Variants in IL16 observed in about 807,000 individuals in gnomAD.
IL16 encodes interleukin 16.
Under a neutral mutation model 110.1 loss-of-function variants are expected in IL16, and 67 were observed. The observed-to-expected ratio is 0.61, with a 90% CI of 0.50 to 0.75. The LOEUF (loss-of-function observed/expected upper bound fraction) is 0.75, where lower values mean the gene tolerates loss of function less well. IL16 is among the 30% of genes least tolerant of loss of function. The pLI is 0.00. For missense variants in IL16, 1,545 were observed against 1,655.0 expected (o/e 0.93, Z 1.15); for synonymous variants, 689 against 662.9 (o/e 1.04, Z -0.61).
At chr15:81,275,820 A>C (rs114097646) in intron 6 of IL16, among the ~76,000 whole-genome samples, 4 of 152,206 alleles carry the variant, frequency 2.6e-5, no homozygotes, top group Non-Finnish European at 2.9e-5. Context: ...CAAATACATT[A>C]GTTGCAACAA....
chr15:81,223,891 G>A (rs1329724225), intron 1 of IL16, among the ~76,000 whole-genome samples: 1 of 152,162 alleles, frequency 6.6e-6, no homozygotes, highest in East Asian at 1.9e-4. Flanking sequence ...TGTGATTGGA[G>A]TTTTACTATC....
intron 13 of IL16, among the ~76,000 whole-genome samples, chr15:81,298,956 G>A (rs1335228244): frequency 6.6e-6 from 1 of 152,330 alleles, no homozygotes; most frequent in East Asian, 1.9e-4. Context: ...TAAACGGCAG[G>A]AGAACTGCTT....
Position 81,306,549 on chromosome 15 carries a change from T to TG in IL16, c.3805+8dup, listed in dbSNP as rs762047453. ...ACCATTAACAGGATTTTCAAAGGTG[T>TG]GGGGTGTGTCTGGTTCTTTGCGTGC... On this transcript the variant is annotated splice_donor_region_variant and intron_variant, in intron 18 of 18. Transcript: ENST00000683961. 4 of 1,611,926 alleles carry TG rather than the reference T, an allele frequency of 2.5e-6. No homozygotes were observed. The African/African-American group carries it at 5.3e-5, about 22-fold the overall frequency.
upstream of IL16, among the ~76,000 whole-genome samples, chr15:81,193,273 A>G (rs910900013): frequency 2.0e-5 from 3 of 152,170 alleles, no homozygotes; most frequent in East Asian, 5.8e-4. Flanking sequence ...TAGGGGGGGA[A>G]TCAAGAGTAC....
chr15:81,272,376 C>T (rs760827662), intron 5 of IL16, among the ~76,000 whole-genome samples: 43 of 152,300 alleles, frequency 2.8e-4, no homozygotes, highest in Non-Finnish European at 4.4e-4. Flanking sequence ...CAACCTTTCC[C>T]GGGACTTATT....
At chr15:81,263,346 A>ATTTTTTTTTTTT (rs10717016) in intron 3 of IL16, among the ~76,000 whole-genome samples, 1 of 109,790 alleles carries the variant, frequency 9.1e-6, no homozygotes, top group African/African-American at 4.7e-5. Context: ...TTCAAAAACT[A>ATTTTTTTTTTTT]TTTTTTTTTG....
intron 6 of IL16, among the ~76,000 whole-genome samples, chr15:81,273,965 T>C (rs1898778518): frequency 6.6e-6 from 1 of 151,576 alleles, no homozygotes; most frequent in Admixed American, 6.6e-5. Context: ...CATGGATTAT[T>C]GAGCAACAGG....
At chr15:81,202,769 G>A (rs1895867193) in intron 1 of IL16, among the ~76,000 whole-genome samples, 1 of 152,140 alleles carries the variant, frequency 6.6e-6, no homozygotes, top group South Asian at 2.1e-4. Flanking sequence ...ATTGTGAATA[G>A]TGCCCCAATA....
chr15:81,308,917 C>T lies in IL16; in HGVS notation c.*119C>T. 1 of 874,712 alleles carries T rather than the reference C, an allele frequency of 1.1e-6. No individual in the cohort carries two copies. Among genetic ancestry groups the T allele is most frequent in the Non-Finnish European group, 1.7e-6 (1 of 579,482 alleles). The allele number at this position is 874,712 out of a possible 1,614,324, so 54.2% of individuals were successfully genotyped here. A position where few individuals can be genotyped will look rare whatever the true frequency, so the allele number is the denominator to read the frequency against. ...GATGGGGGAAAGCACAGGTGGGCTTCCCAGTGGCTGCTGCCCAGGCCCAGA... is the reference window on the plus strand; with the variant it reads ...GATGGGGGAAAGCACAGGTGGGCTTTCCAGTGGCTGCTGCCCAGGCCCAGA... On this transcript the variant is annotated 3_prime_UTR_variant, in exon 19 of 19. Transcript: ENST00000683961.
chr15:81,223,958 T>G (rs1163643554), intron 1 of IL16, among the ~76,000 whole-genome samples: 1 of 152,176 alleles, frequency 6.6e-6, no homozygotes, highest in Non-Finnish European at 1.5e-5. Flanking sequence ...AGAGGGTGCT[T>G]GATAAAATGG....
chr15:81,293,805 T>C (rs1404363398), intron 12 of IL16, among the ~76,000 whole-genome samples: 1 of 152,254 alleles, frequency 6.6e-6, no homozygotes, highest in Non-Finnish European at 1.5e-5. Context: ...ACAGCTGCTG[T>C]GTCTAGAACC....
At chr15:81,294,018 C>T (rs1899868867) in intron 12 of IL16, among the ~76,000 whole-genome samples, 1 of 152,208 alleles carries the variant, frequency 6.6e-6, no homozygotes, top group Non-Finnish European at 1.5e-5. Context: ...TCCCCCATCA[C>T]GGAATGGCCC....
At chr15:81,267,135 G>T (rs1200569229) in intron 4 of IL16, among the ~76,000 whole-genome samples, 2 of 152,164 alleles carry the variant, frequency 1.3e-5, no homozygotes, top group African/African-American at 4.8e-5. Flanking sequence ...GGGCTAGCGG[G>T]TACTTCCTGG....
chr15:81,271,012 T>A (rs1898608695), intron 5 of IL16, among the ~76,000 whole-genome samples: 1 of 152,022 alleles, frequency 6.6e-6, no homozygotes, highest in East Asian at 1.9e-4. Flanking sequence ...AGCAAGTGCT[T>A]GAGGTAGAGT....
chr15:81,224,407 T>A (rs1896719898), intron 1 of IL16, among the ~76,000 whole-genome samples: 1 of 152,172 alleles, frequency 6.6e-6, no homozygotes, highest in South Asian at 2.1e-4. Context: ...GGAAACTGAA[T>A]CCATGGGAGG....
chr15:81,313,092 G>A lies in IL16; in HGVS notation c.*4294G>A, dbSNP rs1009901915. 2 of 764,004 alleles carry A rather than the reference G, an allele frequency of 2.6e-6. No individual in the cohort carries two copies. The highest frequency in any genetic ancestry group is 1.9e-6 in the Non-Finnish European group (1 of 527,456). 47.3% of individuals were successfully genotyped at this position (764,004 alleles called of 1,614,324 possible). A position where few individuals can be genotyped will look rare whatever the true frequency, so the allele number is the denominator to read the frequency against. Reference sequence around the variant, plus strand: ...CCTGAGTGGGGCAGGAGGCAGGAAGGGTGGGCTGCCGCCTCTGGTTGGCAT... The same window carrying A: ...CCTGAGTGGGGCAGGAGGCAGGAAGAGTGGGCTGCCGCCTCTGGTTGGCAT... On this transcript the variant is annotated 3_prime_UTR_variant, in exon 19 of 19. Coordinates refer to ENST00000683961, the MANE Select transcript of IL16 (RefSeq NM_172217.5).
chr15:81,201,899 C>T (rs1468211793), intron 1 of IL16, among the ~76,000 whole-genome samples: 1 of 152,180 alleles, frequency 6.6e-6, no homozygotes, highest in African/African-American at 2.4e-5. Context: ...TCATTCTTCT[C>T]CATATCTCAA....
chr15:81,186,681 G>A (rs1201398001), intron 1 of IL16, among the ~76,000 whole-genome samples: 2 of 152,148 alleles, frequency 1.3e-5, no homozygotes, highest in East Asian at 3.8e-4. Flanking sequence ...TCAAACATAT[G>A]GAAAAGAGGA....
chr15:81,220,747 T>A (rs1425753613), intron 1 of IL16, among the ~76,000 whole-genome samples: 1 of 142,886 alleles, frequency 7.0e-6, no homozygotes, highest in East Asian at 2.1e-4. Context: ...TAGCTTTGCC[T>A]AGCACAAAAA....
Sources: gnomAD v4.1 joint callset for allele counts (sites outside exome capture counted in the v4.1 genomes callset) on GRCh38, gnomAD v4.1.1 for gene constraint, MANE v1.5 for transcripts, NCBI Gene and HGNC (gene_info 2026-07-23, HGNC 2026-07-21) for gene names.